RNF182: variants seen among roughly 807,000 people sequenced by gnomAD.
The protein encoded by RNF182 is ring finger protein 182, also known as E3 ubiquitin-protein ligase RNF182.
Under a neutral mutation model 14.4 loss-of-function variants are expected in RNF182, and 15 were observed. The observed-to-expected ratio is 1.04, with a 90% confidence interval of 0.70 to 1.60. The LOEUF (loss-of-function observed/expected upper bound fraction) is 1.60, where lower values mean the gene tolerates loss of function less well. Among genes scored for constraint, RNF182 ranks in the 40% most tolerant of loss-of-function variants. RNF182 has a pLI of 0.00. For synonymous variants in RNF182, 128 were observed against 122.9 expected, an observed-to-expected ratio of 1.04 and a Z score of -0.27; for missense variants, 268 against 294.8, an observed-to-expected ratio of 0.91 and a Z score of 0.67.
chr6:13,974,661 A>G (rs971050205), intron 2 of RNF182, among the ~76,000 whole-genome samples: 1 of 152,218 alleles, frequency 6.6e-6, no homozygotes, highest in Non-Finnish European at 1.5e-5. Context: ...TGGTACAGAA[A>G]GTAGGAATGT....
At chr6:13,933,675 A>T (rs942917679) in intron 1 of RNF182, among the ~76,000 whole-genome samples, 1 of 152,186 alleles carries the variant, frequency 6.6e-6, no homozygotes, top group Non-Finnish European at 1.5e-5. Context: ...CGAATCTGAT[A>T]TGCATTTTAC....
At chr6:13,943,651 G>A (rs555589881) in intron 1 of RNF182, among the ~76,000 whole-genome samples, 15 of 152,256 alleles carry the variant, frequency 9.9e-5, no homozygotes, top group Admixed American at 3.3e-4. Context: ...TAGTATCATT[G>A]TATGGCACCT....
rs950562600 is a variant in RNF182 at position 13,976,958 on chromosome 6, A to G, written c.-162A>G. 1 of 727,192 alleles carries G rather than the reference A, an allele frequency of 1.4e-6. No individual in the cohort carries two copies. Among genetic ancestry groups the G allele is most frequent in the Non-Finnish European group, 2.3e-6 (1 of 429,952 alleles). The allele number at this position is 727,192 out of a possible 1,614,324, so 45.0% of individuals were successfully genotyped here. ...ATGCGTTTGAGACAGAGTTATATGCAGAAGTTGAAAATGCCTGGAAGATTT... is the reference window on the plus strand; with the variant it reads ...ATGCGTTTGAGACAGAGTTATATGCGGAAGTTGAAAATGCCTGGAAGATTT... On this transcript the variant is annotated 5_prime_UTR_variant, in exon 3 of 3. Coordinates refer to ENST00000488300, the MANE Select transcript of RNF182 (RefSeq NM_152737.4).
rs1561791214 is a variant in RNF182 at position 13,977,845 on chromosome 6, T to C, written c.726T>C (p.Cys242=). The change falls in exon 3 of 3, where the codon TGT becomes TGC. Residue 242 remains cysteine, a synonymous_variant. Coordinates refer to ENST00000488300, the MANE Select transcript of RNF182 (RefSeq NM_152737.4). ...GTGTTTGTCATGAATTTCTAGACTG[T>C]ATGGCACCTCCTTCTTAACTGATAT... ...CQCVCHEFLD[C]MAPPS 6.2e-7 allele frequency: 1 copy of C among 1,612,336 alleles called. No individual in the cohort carries two copies. Among genetic ancestry groups the C allele is most frequent in the Non-Finnish European group, 8.5e-7 (1 of 1,178,762 alleles).
chr6:13,975,618 GATA>G (rs1760303592), intron 2 of RNF182, among the ~76,000 whole-genome samples: 1 of 152,156 alleles, frequency 6.6e-6, no homozygotes, highest in Non-Finnish European at 1.5e-5. Context: ...TTAAAATGAA[GATA>G]ATATGTATTA....
chr6:13,949,152 C>T, intron 1 of RNF182: 2 of 787,692 alleles, frequency 2.5e-6, no homozygotes, highest in South Asian at 1.3e-5. Context: ...CTTATAGCCC[C>T]TGAATATTTT....
At chr6:13,962,347 T>C (rs1436301236) in intron 1 of RNF182, among the ~76,000 whole-genome samples, 4 of 152,228 alleles carry the variant, frequency 2.6e-5, no homozygotes, top group Non-Finnish European at 5.9e-5. Flanking sequence ...CAAGCATGTG[T>C]ACTTTATCAA....
chr6:13,965,197 A>G (rs1404266166), intron 1 of RNF182, among the ~76,000 whole-genome samples: 3 of 152,214 alleles, frequency 2.0e-5, no homozygotes, highest in Non-Finnish European at 2.9e-5. Flanking sequence ...TCCCCATCAA[A>G]CATTTTAGTA....
At chr6:13,973,754 G>T (rs1760254704) in intron 1 of RNF182, among the ~76,000 whole-genome samples, 1 of 152,064 alleles carries the variant, frequency 6.6e-6, no homozygotes, top group South Asian at 2.1e-4. Context: ...CTCAGTCTTG[G>T]GTATGTCTTT....
In RNF182 at chr6:13,959,860, C is replaced by CA. The variant is rs531057153; in HGVS notation, c.-366-14349dup. On this transcript the variant is annotated intron_variant, in intron 1 of 2. Transcript: ENST00000488300. ...GAGGTACTGTAAGCCCTCTGGAACT[C>CA]AGAGGGAAGGGATAGGCTGCAGACA... Among the ~76,000 whole-genome samples the CA allele has an allele frequency of 3.5e-3, 532 of 152,198 alleles. 2 individuals carry two copies. Among genetic ancestry groups the CA allele is most frequent in the Non-Finnish European group, 4.7e-3 (322 of 68,010 alleles).
At chr6:13,931,824 A>G (rs774037335) in intron 1 of RNF182, among the ~76,000 whole-genome samples, 6 of 152,060 alleles carry the variant, frequency 3.9e-5, no homozygotes, top group African/African-American at 7.2e-5. Context: ...TCATATGTTG[A>G]AATTCTAACT....
At chr6:13,944,825 C>T (rs1759396874) in intron 1 of RNF182, among the ~76,000 whole-genome samples, 1 of 152,110 alleles carries the variant, frequency 6.6e-6, no homozygotes. Flanking sequence ...AGTTGGGATT[C>T]CAACCCAGAT....
At chr6:13,936,934 G>A (rs1028847075) in intron 1 of RNF182, among the ~76,000 whole-genome samples, 3 of 152,082 alleles carry the variant, frequency 2.0e-5, no homozygotes, top group Non-Finnish European at 4.4e-5. Flanking sequence ...TGGGGAGGGG[G>A]TGGAGTGAGG....
At chr6:13,936,236 CAG>C (rs1759105500) in intron 1 of RNF182, among the ~76,000 whole-genome samples, 1 of 152,226 alleles carries the variant, frequency 6.6e-6, no homozygotes, top group African/African-American at 2.4e-5. Context: ...GGTGGGGACA[CAG>C]AGCCAAACCA....
At chr6:13,954,937 C>T (rs1028714975) in intron 1 of RNF182, among the ~76,000 whole-genome samples, 6 of 152,188 alleles carry the variant, frequency 3.9e-5, no homozygotes, top group African/African-American at 1.4e-4. Flanking sequence ...CAGGAGGCAA[C>T]TGCTGCCTTG....
At chr6:13,976,229 A>G (rs1291146920) in intron 2 of RNF182, among the ~76,000 whole-genome samples, 1 of 152,174 alleles carries the variant, frequency 6.6e-6, no homozygotes, top group African/African-American at 2.4e-5. Context: ...CATAATGCTT[A>G]TATCGGGTGT....
intron 1 of RNF182, among the ~76,000 whole-genome samples, chr6:13,963,042 G>C (rs181967054): frequency 1.3e-5 from 2 of 152,208 alleles, no homozygotes; most frequent in South Asian, 2.1e-4. Flanking sequence ...TCTTAGGAAA[G>C]ATACTTCAAT....
At chr6:13,949,931 A>G (rs932771484) in intron 1 of RNF182, among the ~76,000 whole-genome samples, 30 of 152,186 alleles carry the variant, frequency 2.0e-4, no homozygotes, top group African/African-American at 7.0e-4. Flanking sequence ...ATTTTAGTCA[A>G]TTTGTTCACA....
chr6:13,943,016 TTGTC>T (rs1168815561), intron 1 of RNF182, among the ~76,000 whole-genome samples: 1 of 152,204 alleles, frequency 6.6e-6, no homozygotes, highest in Non-Finnish European at 1.5e-5. Context: ...ACCTTATTCT[TTGTC>T]TTTTCTGAAA....
Sources: allele counts gnomAD v4.1 joint callset (sites outside exome capture counted in the v4.1 genomes callset), GRCh38; gene constraint gnomAD v4.1.1; transcripts MANE v1.5; gene names NCBI Gene and HGNC (gene_info 2026-07-23, HGNC 2026-07-21).